SIAH2: variants seen among roughly 807,000 people sequenced by gnomAD.
SIAH2 encodes siah E3 ubiquitin protein ligase 2, also known as E3 ubiquitin-protein ligase SIAH2.
SIAH2 carries 4 observed loss-of-function variants against 20.4 expected under a neutral mutation model. That is an observed-to-expected ratio of 0.20 (90% CI 0.10 to 0.45). The LOEUF is 0.45. Ranked by LOEUF, SIAH2 falls within the 20% of genes least tolerant of loss-of-function variation. The pLI, the probability that SIAH2 is intolerant of heterozygous loss-of-function variation, is 0.99. For synonymous variants in SIAH2, 171 were observed against 192.5 expected (o/e 0.89, Z 0.93); for missense variants, 259 against 440.3 (o/e 0.59, Z 3.69).
At chr3:150,749,456 A>G (rs1714308962) in intron 1 of SIAH2, among the ~76,000 whole-genome samples, 1 of 152,118 alleles carries the variant, frequency 6.6e-6, no homozygotes, top group African/African-American at 2.4e-5. Flanking sequence ...GTGAGCCGTG[A>G]TTGTACCACC....
intron 1 of SIAH2, among the ~76,000 whole-genome samples, chr3:150,743,551 G>T (rs1461619575): frequency 6.6e-6 from 1 of 152,274 alleles, no homozygotes; most frequent in East Asian, 1.9e-4. Flanking sequence ...CCTCACAACA[G>T]GCCCGGGAGG....
intron 1 of SIAH2, among the ~76,000 whole-genome samples, chr3:150,750,958 T>C (rs1436212881): frequency 6.6e-6 from 1 of 152,024 alleles, no homozygotes; most frequent in African/African-American, 2.4e-5. Flanking sequence ...AGTGGAAGAG[T>C]TGTAGACTCT....
At chr3:150,750,159 ATCAG>A (rs977678440) in intron 1 of SIAH2, among the ~76,000 whole-genome samples, 5 of 152,254 alleles carry the variant, frequency 3.3e-5, no homozygotes, top group Non-Finnish European at 5.9e-5. Flanking sequence ...CATTTTAACC[ATCAG>A]TCAAACTTTT....
chr3:150,755,537 C>T (rs1033690881), intron 1 of SIAH2, among the ~76,000 whole-genome samples: 17 of 151,348 alleles, frequency 1.1e-4, no homozygotes, highest in African/African-American at 3.4e-4. Context: ...TTTTTTGAGA[C>T]GGAGTTTCAC....
intron 1 of SIAH2, among the ~76,000 whole-genome samples, chr3:150,757,500 T>A (rs1316531658): frequency 6.6e-6 from 1 of 152,098 alleles, no homozygotes; most frequent in Non-Finnish European, 1.5e-5. Context: ...CCAAAGTTCA[T>A]GTATGGCAAG....
At position 150,758,636 on chromosome 3, in the gene SIAH2, T is replaced by C. The variant is rs564467420; in HGVS notation, c.417+3797A>G. Among the ~76,000 whole-genome samples, 6 of 147,448 alleles carry C rather than the reference T, an allele frequency of 4.1e-5. No homozygotes were observed. The East Asian group carries it at 1.2e-3, about 30-fold the overall frequency. On this transcript the variant is annotated intron_variant, in intron 1 of 1. Coordinates refer to ENST00000312960, the MANE Select transcript of SIAH2 (RefSeq NM_005067.7). Reference sequence around the variant, plus strand: ...CCCAGGCTGGAGTGCAGTGGCACAATCTCAGCTCACTGCAACCTCCACCTC... The same window carrying C: ...CCCAGGCTGGAGTGCAGTGGCACAACCTCAGCTCACTGCAACCTCCACCTC...
chr3:150,763,049 G>C lies in SIAH2; in HGVS notation c.-200C>G. ...TGCACTCCGCAGCCCCCGGCGTTCC[G>C]AGCACGCCTCCGCGTCGGACCCCGC... On this transcript the variant is annotated 5_prime_UTR_variant, in exon 1 of 2. Coordinates refer to ENST00000312960, the MANE Select transcript of SIAH2 (RefSeq NM_005067.7). This position sits in a 1 kb window ranked among gnomAD's most constrained non-coding sequence, Gnocchi z 4.1. 4.6e-6 allele frequency: 2 copies of C among 432,564 alleles called. No individual in the cohort carries two copies. The highest frequency in any genetic ancestry group is 6.4e-6 in the Non-Finnish European group (2 of 313,202). 26.8% of individuals were successfully genotyped at this position (432,564 alleles called of 1,614,324 possible). A position where few individuals can be genotyped will look rare whatever the true frequency, so the allele number is the denominator to read the frequency against.
Position 150,762,186 on chromosome 3 carries a change from A to G in SIAH2, c.417+247T>C. On this transcript the variant is annotated intron_variant, in intron 1 of 1. Transcript: ENST00000312960. This position sits in a 1 kb window ranked among gnomAD's most constrained non-coding sequence, Gnocchi z 6.6. ...CGGGCATTGGGCCGGGTGAGCTACG[A>G]TGTTCTAACGATCAGCAAATGCCAA... 1.4e-6 allele frequency: 1 copy of G among 693,292 alleles called. No homozygotes were observed. Among genetic ancestry groups the G allele is most frequent in the Non-Finnish European group, 2.2e-6 (1 of 458,556 alleles). 42.9% of individuals were successfully genotyped at this position (693,292 alleles called of 1,614,324 possible). A position where few individuals can be genotyped will look rare whatever the true frequency, so the allele number is the denominator to read the frequency against.
intron 1 of SIAH2, among the ~76,000 whole-genome samples, chr3:150,752,291 AAGACTT>A (rs1559936802): frequency 6.6e-6 from 1 of 152,144 alleles, no homozygotes; most frequent in Non-Finnish European, 1.5e-5. Context: ...AATTCACCAA[AAGACTT>A]AAGTGGTAGG....
At chr3:150,754,564 GTTTTGTTTTTGT>G (rs1051670278) in intron 1 of SIAH2, among the ~76,000 whole-genome samples, 1 of 152,020 alleles carries the variant, frequency 6.6e-6, no homozygotes. Flanking sequence ...CATCTCACTT[GTTTTGTTTTTGT>G]TTTTGTTTTT....
At chr3:150,759,599 A>G (rs1220693907) in intron 1 of SIAH2, among the ~76,000 whole-genome samples, 2 of 152,082 alleles carry the variant, frequency 1.3e-5, no homozygotes, top group African/African-American at 2.4e-5. Context: ...TGTGCCTTTG[A>G]GATGCAGGTG....
intron 1 of SIAH2, among the ~76,000 whole-genome samples, chr3:150,757,577 T>C (rs1483453621): frequency 1.3e-5 from 2 of 152,106 alleles, no homozygotes; most frequent in African/African-American, 4.8e-5. Flanking sequence ...GGCTGCATGC[T>C]GGCAGCTGGA....
chr3:150,745,275 A>ACACACC (rs1553759385), intron 1 of SIAH2, among the ~76,000 whole-genome samples: 1 of 148,416 alleles, frequency 6.7e-6, no homozygotes, highest in African/African-American at 2.5e-5. Context: ...ACACACACAC[A>ACACACC]CACCCCACAT....
chr3:150,751,340 C>T (rs1262907639), intron 1 of SIAH2, among the ~76,000 whole-genome samples: 1 of 151,986 alleles, frequency 6.6e-6, no homozygotes, highest in Non-Finnish European at 1.5e-5. Flanking sequence ...AGGAGAATTG[C>T]TTGAACCCGG....
intron 1 of SIAH2, among the ~76,000 whole-genome samples, chr3:150,758,278 G>A (rs1426247481): frequency 6.6e-6 from 1 of 151,990 alleles, no homozygotes; most frequent in Non-Finnish European, 1.5e-5. Context: ...CTTTCAGAGA[G>A]GACAAAGAAA....
At chr3:150,755,383 G>A (rs1714464729) in intron 1 of SIAH2, among the ~76,000 whole-genome samples, 1 of 140,464 alleles carries the variant, frequency 7.1e-6, no homozygotes, top group Admixed American at 7.2e-5. Context: ...CAGGCTGGAG[G>A]GTATTGGCAA....
rs975999006 is a variant in SIAH2, at chr3:150,741,753, G to C, written c.*388C>G. The stretch of plus-strand genomic sequence containing the variant: ...CCTACCTCCCACAAACAAAAGTAAA[G>C]GAATCTGCTGACAGTCACTGTGCTT... On this transcript the variant is annotated 3_prime_UTR_variant, in exon 2 of 2. Transcript: ENST00000312960. 1.2e-5 allele frequency: 2 copies of C among 167,462 alleles called. No individual in the cohort carries two copies. The highest frequency in any genetic ancestry group is 4.8e-5 in the African/African-American group (2 of 41,856). 10.4% of individuals were successfully genotyped at this position (167,462 alleles called of 1,614,324 possible). A position where few individuals can be genotyped will look rare whatever the true frequency, so the allele number is the denominator to read the frequency against.
rs1431163110 is a variant in SIAH2, at chr3:150,741,551, C to T, written c.*590G>A. The T allele has an allele frequency of 6.6e-6, 1 of 152,346 alleles. No homozygotes were observed. 9.4% of individuals were successfully genotyped at this position (152,346 alleles called of 1,614,324 possible). On this transcript the variant is annotated 3_prime_UTR_variant, in exon 2 of 2. Transcript: ENST00000312960. The stretch of plus-strand genomic sequence containing the variant: ...GCACCTTTAAAATCTGGACCCTTTC[C>T]CACAATTTAACCCAGTAATTCTCAA...
chr3:150,761,232 A>C (rs1320068288), intron 1 of SIAH2, among the ~76,000 whole-genome samples: 1 of 152,262 alleles, frequency 6.6e-6, no homozygotes, highest in Non-Finnish European at 1.5e-5. Flanking sequence ...ACTGGAAAGT[A>C]TTAGTGACAT....
Sources: allele counts gnomAD v4.1 joint callset (sites outside exome capture counted in the v4.1 genomes callset), GRCh38; gene constraint gnomAD v4.1.1; non-coding constraint Gnocchi (gnomAD v3.1); transcripts MANE v1.5; gene names NCBI Gene and HGNC (gene_info 2026-07-23, HGNC 2026-07-21).